RBM33: variants seen among roughly 807,000 people sequenced by gnomAD.
RBM33 encodes RNA-binding protein 33.
Under a neutral mutation model 132.6 loss-of-function variants are expected in RBM33, and 28 were observed. The ratio of observed to expected loss-of-function variants is 0.21; its 90% confidence interval spans 0.16 to 0.29. The LOEUF (loss-of-function observed/expected upper bound fraction) is 0.29, where lower values mean the gene tolerates loss of function less well. Among genes scored for constraint, RBM33 ranks in the 10% least tolerant of loss-of-function variants. The probability of loss-of-function intolerance (pLI) is 1.00; values close to 1 mark genes in which losing one functional copy is unlikely to be tolerated. For synonymous variants in RBM33, 634 were observed against 593.0 expected (o/e 1.07, Z -1.01); for missense variants, 1,291 against 1,518.5 (o/e 0.85, Z 2.49).
intron 13 of RBM33, among the ~76,000 whole-genome samples, chr7:155,743,785 T>A (rs1044773825): frequency 2.0e-5 from 3 of 152,222 alleles, no homozygotes; most frequent in Non-Finnish European, 2.9e-5. Context: ...GAAATTCCGA[T>A]GACTAGTAAT....
intron 9 of RBM33, among the ~76,000 whole-genome samples, chr7:155,732,910 A>G (rs544816082): frequency 6.6e-6 from 1 of 152,308 alleles, no homozygotes; most frequent in East Asian, 1.9e-4. Context: ...AAAAGCTTTT[A>G]GTGATTCCAG....
chr7:155,647,733 A>G (rs1476648348), intron 1 of RBM33, among the ~76,000 whole-genome samples: 1 of 152,194 alleles, frequency 6.6e-6, no homozygotes, highest in African/African-American at 2.4e-5. Context: ...ATACATTTCA[A>G]AGGAGTCATT....
chr7:155,670,764 T>C (rs1798923141), intron 2 of RBM33, among the ~76,000 whole-genome samples: 1 of 152,238 alleles, frequency 6.6e-6, no homozygotes, highest in African/African-American at 2.4e-5. Flanking sequence ...ATACTTGCTG[T>C]TGTTCTGTAC....
chr7:155,671,806 T>C (rs550533085), intron 2 of RBM33, among the ~76,000 whole-genome samples: 1 of 152,318 alleles, frequency 6.6e-6, no homozygotes, highest in African/African-American at 2.4e-5. Flanking sequence ...TTAATGATAT[T>C]TGCTTCCAAG....
chr7:155,744,112 C>T (rs747515944), intron 13 of RBM33, among the ~76,000 whole-genome samples: 1 of 152,116 alleles, frequency 6.6e-6, no homozygotes, highest in Non-Finnish European at 1.5e-5. Flanking sequence ...GTCTTAAGTT[C>T]CTAATTCTTA....
intron 5 of RBM33, among the ~76,000 whole-genome samples, chr7:155,690,814 G>A (rs892522936): frequency 3.3e-5 from 5 of 152,172 alleles, no homozygotes; most frequent in African/African-American, 1.2e-4. Context: ...CTTCTGGCTT[G>A]TAGAGTTTCT....
Position 155,775,008 on chromosome 7 carries a change from G to A in RBM33, c.3480G>A (p.Leu1160=), listed in dbSNP as rs756186476. The change falls in exon 18 of 18, where the codon TTG becomes TTA. Residue 1160 remains leucine, a synonymous_variant. Coordinates refer to ENST00000401878, the MANE Select transcript of RBM33 (RefSeq NM_053043.3). ...ATTTTCACAGGCATATGATAGATTT[G>A]TCCCACATAAATGTGGCCCTGATCG... ...QQKFHRHMID[L]SHINVALIVE 7 of 1,600,182 alleles carry A rather than the reference G, an allele frequency of 4.4e-6. No homozygotes were observed. The highest frequency in any genetic ancestry group is 6.0e-6 in the Non-Finnish European group (7 of 1,170,860).
intron 1 of RBM33, among the ~76,000 whole-genome samples, chr7:155,651,357 G>A (rs1442341379): frequency 6.6e-6 from 1 of 152,102 alleles, no homozygotes; most frequent in Non-Finnish European, 1.5e-5. Flanking sequence ...ATCCAGATCT[G>A]CTCTTGAGAA....
chr7:155,655,218 C>G (rs1174539316), intron 1 of RBM33, among the ~76,000 whole-genome samples: 1 of 152,088 alleles, frequency 6.6e-6, no homozygotes, highest in Non-Finnish European at 1.5e-5. Flanking sequence ...TTGGAGAATT[C>G]CCCCCCATTA....
chr7:155,738,292 C>T lies in RBM33; in HGVS notation c.1626C>T (p.His542=). The change falls in exon 11 of 18, where the codon CAC becomes CAT. Residue 542 remains histidine, a synonymous_variant. Transcript: ENST00000401878. ...CTCCAGGTCCGGTGGGGATTCTGCA[C>T]TTTAGCCAGCCTGGGTCGGCAACCA... The part of the protein sequence containing the change: ...LQPPGPVGIL[H]FSQPGSATTR... 6.2e-7 allele frequency: 1 copy of T among 1,613,978 alleles called. No homozygotes were observed. Among genetic ancestry groups the T allele is most frequent in the Non-Finnish European group, 8.5e-7 (1 of 1,179,894 alleles).
At chr7:155,655,358 T>G (rs996602325) in intron 1 of RBM33, among the ~76,000 whole-genome samples, 5 of 152,326 alleles carry the variant, frequency 3.3e-5, no homozygotes, top group Non-Finnish European at 7.4e-5. Context: ...GTTGGGCATT[T>G]GGTTTATTTC....
rs56132235 is a variant in RBM33 at position 155,735,463 on chromosome 7, A to G, written c.1261-2067A>G. On this transcript the variant is annotated intron_variant, in intron 9 of 17. Coordinates refer to ENST00000401878, the MANE Select transcript of RBM33 (RefSeq NM_053043.3). ...CTCATGTCTGTAATCCAAGTACTTT[A>G]GGAGGCTGAGGTGGAAGAATCATTT... 9.9e-3 allele frequency among the ~76,000 whole-genome samples: 1,511 copies of G among 152,300 alleles called. 18 individuals carry two copies. Among genetic ancestry groups the G allele is most frequent in the Non-Finnish European group, 0.015 (1,000 of 68,012 alleles).
intron 9 of RBM33, among the ~76,000 whole-genome samples, chr7:155,724,990 TTGTGTGTGTGTGTGTG>T (rs56739117): frequency 5.8e-4 from 71 of 123,366 alleles, no homozygotes; most frequent in South Asian, 2.6e-3. Flanking sequence ...GTGTACAGGT[TTGTGTGTGTGTGTGTG>T]TGTGTGTGTG....
chr7:155,737,009 A>G (rs969743312), intron 9 of RBM33, among the ~76,000 whole-genome samples: 1 of 152,156 alleles, frequency 6.6e-6, no homozygotes, highest in Admixed American at 6.5e-5. Flanking sequence ...TTGTGTAAGG[A>G]TATTTTGGTT....
At chr7:155,744,414 A>G (rs894329091) in intron 13 of RBM33, among the ~76,000 whole-genome samples, 1 of 152,210 alleles carries the variant, frequency 6.6e-6, no homozygotes, top group Non-Finnish European at 1.5e-5. Context: ...AATCGGCAAC[A>G]TTTTGATTCT....
chr7:155,715,915 T>A (rs1309638884), intron 8 of RBM33, among the ~76,000 whole-genome samples: 2 of 152,224 alleles, frequency 1.3e-5, no homozygotes, highest in South Asian at 2.1e-4. Flanking sequence ...TATATACATC[T>A]TCTTCTGATG....
intron 2 of RBM33, among the ~76,000 whole-genome samples, chr7:155,670,753 T>C (rs1360676327): frequency 6.6e-6 from 1 of 152,244 alleles, no homozygotes; most frequent in Non-Finnish European, 1.5e-5. Flanking sequence ...GGCTGCTGTT[T>C]ATACTTGCTG....
chr7:155,659,955 A>G (rs1798595560), intron 1 of RBM33, among the ~76,000 whole-genome samples: 1 of 152,102 alleles, frequency 6.6e-6, no homozygotes, highest in Non-Finnish European at 1.5e-5. Context: ...TCTCCTCTGT[A>G]TGTGTCTGTT....
rs563926190 is a variant in RBM33 at position 155,774,860 on chromosome 7, G to T, written c.3465-133G>T. On this transcript the variant is annotated intron_variant, in intron 17 of 17. Coordinates refer to ENST00000401878, the MANE Select transcript of RBM33 (RefSeq NM_053043.3). The surrounding 1 kb of genome is among the most constrained non-coding windows in gnomAD (Gnocchi z 4.2). ...CCCTTGTGTTTTAATAGATCTTCCCGGGGAATCTGCCTTTTTATATGATGC... is the reference window on the plus strand; with the variant it reads ...CCCTTGTGTTTTAATAGATCTTCCCTGGGAATCTGCCTTTTTATATGATGC... 1.2e-6 allele frequency: 1 copy of T among 836,908 alleles called. No homozygotes were observed. Among genetic ancestry groups the T allele is most frequent in the Non-Finnish European group, 1.9e-6 (1 of 514,680 alleles). The allele number at this position is 836,908 out of a possible 1,614,324, so 51.8% of individuals were successfully genotyped here.
Sources: gnomAD v4.1 joint callset for allele counts (sites outside exome capture counted in the v4.1 genomes callset) on GRCh38, gnomAD v4.1.1 for gene constraint, Gnocchi (gnomAD v3.1) non-coding constraint, MANE v1.5 for transcripts, NCBI Gene and HGNC (gene_info 2026-07-23, HGNC 2026-07-21) for gene names.